The following GRM7 variants were observed in gnomAD, a reference collection of about 807,000 sequenced individuals.
GRM7 encodes the protein glutamate metabotropic receptor 7.
GRM7 carries 35 observed loss-of-function variants against 84.5 expected under a neutral mutation model. That is an observed-to-expected ratio of 0.41 (90% CI 0.32 to 0.55). The LOEUF is 0.55. Among genes scored for constraint, GRM7 ranks in the 20% least tolerant of loss-of-function variants. The probability of loss-of-function intolerance (pLI) is 0.19; values close to 1 mark genes in which losing one functional copy is unlikely to be tolerated. For synonymous variants in GRM7, 487 were observed against 455.1 expected, an observed-to-expected ratio of 1.07 and a Z score of -0.89; for missense variants, 1,003 against 1,194.6, an observed-to-expected ratio of 0.84 and a Z score of 2.36.
intron 1 of GRM7, among the ~76,000 whole-genome samples, chr3:6,918,257 T>A (rs1455334702): frequency 6.6e-6 from 1 of 152,182 alleles, no homozygotes; most frequent in Non-Finnish European, 1.5e-5. Context: ...CAGGAGGGAA[T>A]ACAGCAGGGA....
chr3:7,185,643 G>C (rs80289035), intron 2 of GRM7, among the ~76,000 whole-genome samples: 8,272 of 152,192 alleles, frequency 0.054, 613 homozygotes, highest in African/African-American at 0.17. Context: ...CTTAAGAAGT[G>C]GTACCCAGAG....
chr3:7,111,292 C>T (rs1385410350), intron 1 of GRM7, among the ~76,000 whole-genome samples: 1 of 152,010 alleles, frequency 6.6e-6, no homozygotes, highest in Admixed American at 6.6e-5. Flanking sequence ...TTAGGATATA[C>T]ATGGTGAAAA....
At chr3:7,117,737 T>C (rs1280386624) in intron 1 of GRM7, among the ~76,000 whole-genome samples, 1 of 152,128 alleles carries the variant, frequency 6.6e-6, no homozygotes, top group African/African-American at 2.4e-5. Flanking sequence ...GTTGAGCAAA[T>C]CCTTAGTCAA....
chr3:7,292,788 T>C (rs552818095), intron 2 of GRM7, among the ~76,000 whole-genome samples: 58 of 151,794 alleles, frequency 3.8e-4, no homozygotes, highest in African/African-American at 1.4e-3. Flanking sequence ...CCCAGCACTT[T>C]TGGGAGGCTG....
intron 4 of GRM7, among the ~76,000 whole-genome samples, chr3:7,414,672 G>A (rs1247374596): frequency 6.6e-6 from 1 of 152,092 alleles, no homozygotes; most frequent in African/African-American, 2.4e-5. Context: ...TAAGTGAAAG[G>A]AGGTTCTTAA....
chr3:7,079,713 G>T (rs1698217676), intron 1 of GRM7, among the ~76,000 whole-genome samples: 1 of 151,996 alleles, frequency 6.6e-6, no homozygotes, highest in African/African-American at 2.4e-5. Context: ...TATTTAGCAG[G>T]GTTGATTGAA....
At chr3:7,198,666 A>G (rs1316633020) in intron 2 of GRM7, among the ~76,000 whole-genome samples, 3 of 152,220 alleles carry the variant, frequency 2.0e-5, no homozygotes, top group Non-Finnish European at 4.4e-5. Flanking sequence ...AGCCTATTGT[A>G]TAATAAGGTG....
chr3:7,193,068 T>A (rs1029014279), intron 2 of GRM7, among the ~76,000 whole-genome samples: 1 of 152,166 alleles, frequency 6.6e-6, no homozygotes, highest in Non-Finnish European at 1.5e-5. Flanking sequence ...GGGTAATCTC[T>A]TTCATGTCCA....
chr3:7,604,833 A>G (rs1386839216), intron 8 of GRM7, among the ~76,000 whole-genome samples: 1 of 152,198 alleles, frequency 6.6e-6, no homozygotes, highest in East Asian at 1.9e-4. Context: ...GTAAAAGTAG[A>G]AATCAGACGT....
intron 7 of GRM7, among the ~76,000 whole-genome samples, chr3:7,507,438 C>T (rs1175516620): frequency 1.3e-5 from 2 of 152,174 alleles, no homozygotes; most frequent in African/African-American, 4.8e-5. Context: ...CATTTTGTAA[C>T]TAATGGAAAA....
At chr3:7,185,633 C>A (rs903247119) in intron 2 of GRM7, among the ~76,000 whole-genome samples, 10 of 152,132 alleles carry the variant, frequency 6.6e-5, no homozygotes, top group African/African-American at 1.7e-4. Context: ...TGAAGTAGTT[C>A]TTAAGAAGTG....
chr3:7,351,339 GAAAAAAAAAAAAA>G (rs768248079), intron 4 of GRM7, among the ~76,000 whole-genome samples: 2 of 45,896 alleles, frequency 4.4e-5, no homozygotes, highest in East Asian at 1.8e-3. Context: ...TCCCACAGGC[GAAAAAAAAAAAAA>G]AAAAAAAAAA....
At chr3:7,215,805 A>G (rs577110743) in intron 2 of GRM7, among the ~76,000 whole-genome samples, 1 of 152,244 alleles carries the variant, frequency 6.6e-6, no homozygotes, top group South Asian at 2.1e-4. Context: ...TGAAATTTTT[A>G]AGAACTAAAC....
At chr3:6,953,657 A>G (rs750501217) in intron 1 of GRM7, among the ~76,000 whole-genome samples, 1 of 152,232 alleles carries the variant, frequency 6.6e-6, no homozygotes, top group Non-Finnish European at 1.5e-5. Context: ...TCAAAATCAC[A>G]CATCACATCT....
At chr3:7,656,937 A>G (rs1475140215) in intron 8 of GRM7, among the ~76,000 whole-genome samples, 1 of 152,214 alleles carries the variant, frequency 6.6e-6, no homozygotes, top group Non-Finnish European at 1.5e-5. Context: ...CCACTTGAAC[A>G]CTTATGCTAC....
intron 2 of GRM7, among the ~76,000 whole-genome samples, chr3:7,227,850 A>G (rs1267195888): frequency 1.3e-5 from 2 of 152,188 alleles, no homozygotes; most frequent in Non-Finnish European, 1.5e-5. Flanking sequence ...GAGGAAGGCA[A>G]CATAATGGCT....
chr3:7,007,030 T>C (rs1472349218), intron 1 of GRM7, among the ~76,000 whole-genome samples: 1 of 152,230 alleles, frequency 6.6e-6, no homozygotes, highest in Admixed American at 6.5e-5. Context: ...AGAGCTAATT[T>C]GGTTATTACT....
intron 1 of GRM7, among the ~76,000 whole-genome samples, chr3:7,065,786 G>A (rs1369860625): frequency 6.6e-6 from 1 of 151,640 alleles, no homozygotes; most frequent in Admixed American, 6.6e-5. Context: ...TTGGCAATAT[G>A]GTGATTTTCA....
chr3:7,637,334 A>G (rs1358733940), intron 8 of GRM7, among the ~76,000 whole-genome samples: 2 of 152,136 alleles, frequency 1.3e-5, no homozygotes, highest in Admixed American at 6.5e-5. Flanking sequence ...CTCCTGAAAG[A>G]TGTGTATTAG....
Sources: gnomAD v4.1 joint callset for allele counts (sites outside exome capture counted in the v4.1 genomes callset) on GRCh38, gnomAD v4.1.1 for gene constraint, MANE v1.5 for transcripts, NCBI Gene and HGNC (gene_info 2026-07-23, HGNC 2026-07-21) for gene names.